Variants in CACHD1 observed in about 807,000 individuals in gnomAD.
CACHD1 encodes the protein cache domain containing 1.
A neutral mutation model predicts 138.7 loss-of-function variants in CACHD1; 71 were observed. The observed-to-expected ratio is 0.51, with a 90% CI of 0.42 to 0.62. The LOEUF is 0.62. Among genes scored for constraint, CACHD1 ranks in the 20% least tolerant of loss-of-function variants. The pLI, the probability that CACHD1 is intolerant of heterozygous loss-of-function variation, is 0.00. For missense variants in CACHD1, 1,389 were observed against 1,625.3 expected (o/e 0.85, Z 2.50); for synonymous variants, 578 against 591.5 (o/e 0.98, Z 0.33).
At chr1:64,606,395 CTGT>C (rs1372859374) in intron 4 of CACHD1, among the ~76,000 whole-genome samples, 3 of 152,074 alleles carry the variant, frequency 2.0e-5, no homozygotes, top group African/African-American at 7.2e-5. Flanking sequence ...AATTGAGTGA[CTGT>C]TTGGTGTGCT....
chr1:64,492,953 C>A (rs1646286965), intron 1 of CACHD1, among the ~76,000 whole-genome samples: 1 of 152,206 alleles, frequency 6.6e-6, no homozygotes, highest in African/African-American at 2.4e-5. Context: ...TGAATCCCTA[C>A]CTTCAATAGT....
At chr1:64,624,661 C>T (rs988223623) in intron 4 of CACHD1, among the ~76,000 whole-genome samples, 2 of 152,202 alleles carry the variant, frequency 1.3e-5, no homozygotes, top group African/African-American at 4.8e-5. Context: ...TGCCTTGACT[C>T]TCATGGCCCC....
chr1:64,597,601 A>G (rs1647166525), intron 3 of CACHD1, among the ~76,000 whole-genome samples: 1 of 139,350 alleles, frequency 7.2e-6, no homozygotes, highest in Non-Finnish European at 1.5e-5. Flanking sequence ...ACTGAATTTC[A>G]GACACTGGTT....
At chr1:64,632,848 G>A in intron 6 of CACHD1, 105 bp downstream of exon 6, 2 of 1,286,200 alleles carry the variant, frequency 1.6e-6, no homozygotes, top group Non-Finnish European at 2.2e-6. Context: ...GACTTACAAT[G>A]GGGTTACATC....
At chr1:64,661,756 T>C (rs1349708804) in intron 13 of CACHD1, among the ~76,000 whole-genome samples, 1 of 152,136 alleles carries the variant, frequency 6.6e-6, no homozygotes, top group Non-Finnish European at 1.5e-5. Flanking sequence ...CCTCTGGTTG[T>C]CTTTGCTTTG....
At position 64,491,464 on chromosome 1, in the gene CACHD1, A is replaced by G. The variant is rs367879840; in HGVS notation, c.198+20522A>G. 1.5e-4 allele frequency among the ~76,000 whole-genome samples: 23 copies of G among 152,246 alleles called. No individual in the cohort carries two copies. In the East Asian group the frequency reaches 2.5e-3, roughly 17 times the overall value. On this transcript the variant is annotated intron_variant, in intron 1 of 26. Coordinates refer to ENST00000651257, the MANE Select transcript of CACHD1 (RefSeq NM_020925.4). The stretch of plus-strand genomic sequence containing the variant: ...GGCATGCCTTATACATGGTGGCAGG[A>G]GAGAGAAAGAAGAGCAAGGGGGGAA...
In CACHD1 at chr1:64,566,238, G is replaced by A. The variant is rs183479729; in HGVS notation, c.261+15582G>A. ...TCCGTGAGGGCGTGGATTTTTGTCTGTTCCATGTCTTGATGTGCCCCCAGC... is the reference window on the plus strand; with the variant it reads ...TCCGTGAGGGCGTGGATTTTTGTCTATTCCATGTCTTGATGTGCCCCCAGC... On this transcript the variant is annotated intron_variant, in intron 2 of 26. Coordinates refer to ENST00000651257, the MANE Select transcript of CACHD1 (RefSeq NM_020925.4). Among the ~76,000 whole-genome samples the A allele has an allele frequency of 1.2e-3, 177 of 152,244 alleles. 1 individual carries two copies. Among genetic ancestry groups the A allele is most frequent in the African/African-American group, 4.1e-3 (171 of 41,536 alleles).
At chr1:64,683,417 A>T (rs1650253042) in intron 26 of CACHD1, among the ~76,000 whole-genome samples, 1 of 152,246 alleles carries the variant, frequency 6.6e-6, no homozygotes, top group South Asian at 2.1e-4. Context: ...CAACAGAAAT[A>T]ATTTCTTATT....
intron 3 of CACHD1, among the ~76,000 whole-genome samples, chr1:64,587,931 T>A (rs1416235413): frequency 1.3e-5 from 2 of 152,126 alleles, no homozygotes; most frequent in African/African-American, 4.8e-5. Flanking sequence ...ATTTAAACTT[T>A]GAAAGATTAG....
At chr1:64,647,676 C>A in intron 8 of CACHD1, 125 bp from the exon 9 acceptor site, 1 of 712,412 alleles carries the variant, frequency 1.4e-6, no homozygotes, top group Non-Finnish European at 2.4e-6. Context: ...TCTATGTGGT[C>A]TCTGCAAAAA....
chr1:64,585,379 A>G (rs538610164), intron 3 of CACHD1, among the ~76,000 whole-genome samples: 6 of 152,348 alleles, frequency 3.9e-5, no homozygotes, highest in South Asian at 2.1e-4. Context: ...TGTTAATACA[A>G]TCAAGCATAA....
At chr1:64,651,326 A>G (rs1353691252) in intron 9 of CACHD1, among the ~76,000 whole-genome samples, 1 of 152,030 alleles carries the variant, frequency 6.6e-6, no homozygotes, top group East Asian at 1.9e-4. Flanking sequence ...GAAGTTCTGT[A>G]TGTTCAGATA....
chr1:64,555,686 C>G (rs1262118054), intron 2 of CACHD1, among the ~76,000 whole-genome samples: 1 of 151,790 alleles, frequency 6.6e-6, no homozygotes, highest in African/African-American at 2.4e-5. Flanking sequence ...CTCCCAAAGT[C>G]CTGGGATTAC....
intron 24 of CACHD1, among the ~76,000 whole-genome samples, chr1:64,680,316 C>T (rs928361349): frequency 2.6e-5 from 4 of 152,044 alleles, no homozygotes; most frequent in Admixed American, 2.6e-4. Context: ...TGGTGAAACC[C>T]CGCCTCTACT....
At chr1:64,590,122 A>G (rs1052531593) in intron 3 of CACHD1, among the ~76,000 whole-genome samples, 3 of 152,106 alleles carry the variant, frequency 2.0e-5, no homozygotes, top group Admixed American at 2.0e-4. Context: ...CCTGGCTAAC[A>G]TGGTAAAAAC....
chr1:64,548,096 CA>C (rs1260507372), intron 1 of CACHD1, among the ~76,000 whole-genome samples: 1 of 152,056 alleles, frequency 6.6e-6, no homozygotes, highest in East Asian at 1.9e-4. Flanking sequence ...AAATAGGGAC[CA>C]AAACACAGCC....
At chr1:64,648,100 C>CT (rs1192665154) in intron 9 of CACHD1, 66 bp downstream of exon 9, 5 of 1,224,218 alleles carry the variant, frequency 4.1e-6, no homozygotes, top group Non-Finnish European at 4.7e-6. Context: ...AATGGCACCT[C>CT]TTTCTCAGGA....
rs535725646 is a variant in CACHD1 at position 64,613,377 on chromosome 1, A to T, written c.517+10465A>T. ...AAAAATATAAAAATATAAAAAAATA[A>T]AAATATAAATATAAAAAGACTATAG... is the stretch of plus-strand genomic sequence containing the variant. On this transcript the variant is annotated intron_variant, in intron 4 of 26. Coordinates refer to ENST00000651257, the MANE Select transcript of CACHD1 (RefSeq NM_020925.4). 21 of 150,932 alleles carry T rather than the reference A, an allele frequency of 1.4e-4. No individual in the cohort carries two copies. In the South Asian group the frequency reaches 1.5e-3, roughly 11 times the overall value. 9.3% of individuals were successfully genotyped at this position (150,932 alleles called of 1,614,324 possible).
In CACHD1 at chr1:64,648,013, T is replaced by C. The variant is rs1242256344; in HGVS notation, c.1369T>C (p.Phe457Leu). 2 of 1,612,178 alleles carry C rather than the reference T, an allele frequency of 1.2e-6. No homozygotes were observed. The highest frequency in any genetic ancestry group is 1.7e-6 in the Non-Finnish European group (2 of 1,178,786). Residue 457 changes from phenylalanine (F) to leucine (L), a missense_variant, in exon 9 of 27, where the codon TTC (phenylalanine) becomes CTC (leucine). This residue lies in a region of CACHD1 where 1,000 missense variants were observed against 1,114.7 expected (regional missense o/e 0.90). Coordinates refer to ENST00000651257, the MANE Select transcript of CACHD1 (RefSeq NM_020925.4). ...TGATGAAGCCGTCTTCAGCCTGCCC[T>C]TCTCTGATGAGATGGGAGATGGTGA... is the stretch of plus-strand genomic sequence containing the variant. ...MIDEAVFSLP[F>L]SDEMGDGLIM... is the part of the protein sequence containing the mutation.
Sources: allele counts gnomAD v4.1 joint callset (sites outside exome capture counted in the v4.1 genomes callset), GRCh38; gene constraint gnomAD v4.1.1; regional missense constraint gnomAD v4.1.1; transcripts MANE v1.5; gene names NCBI Gene and HGNC (gene_info 2026-07-23, HGNC 2026-07-21).